The following MBNL1 variants were observed in gnomAD, a reference collection of about 807,000 sequenced individuals.
MBNL1 encodes the protein muscleblind like splicing regulator 1.
A neutral mutation model predicts 42.2 loss-of-function variants in MBNL1; 8 were observed. That is an observed-to-expected ratio of 0.19 (90% confidence interval 0.11 to 0.34). The LOEUF is 0.34. Ranked by LOEUF, MBNL1 falls within the 10% of genes least tolerant of loss-of-function variation. The pLI is 1.00. For missense variants in MBNL1, 309 were observed against 495.3 expected (o/e 0.62, Z 3.57); for synonymous variants, 169 against 173.9 (o/e 0.97, Z 0.22).
intron 3 of MBNL1, among the ~76,000 whole-genome samples, chr3:152,424,646 A>G (rs2098879306): frequency 6.6e-6 from 1 of 152,224 alleles, no homozygotes. Context: ...GAAAAGAACA[A>G]AGCTGGAGGC....
chr3:152,459,247 A>G, intron 8 of MBNL1, 24 bp from the exon 9 acceptor site: 2 of 1,413,804 alleles, frequency 1.4e-6, no homozygotes, highest in South Asian at 2.6e-5. Flanking sequence ...TGGATCATTC[A>G]TTAAATAATT....
intron 2 of MBNL1, among the ~76,000 whole-genome samples, chr3:152,370,187 G>C (rs1244146444): frequency 6.6e-6 from 1 of 152,132 alleles, no homozygotes; most frequent in Non-Finnish European, 1.5e-5. Flanking sequence ...CTGTGTCCTA[G>C]AGATTCTGGT....
In MBNL1 at chr3:152,346,897, AAC is replaced by A. The variant is rs1491075878; in HGVS notation, c.174+46531_174+46532del. Among the ~76,000 whole-genome samples, 30 of 146,240 alleles carry A rather than the reference AAC, an allele frequency of 2.1e-4. 1 individual carries two copies. Among genetic ancestry groups the A allele is most frequent in the African/African-American group, 7.5e-4 (30 of 40,166 alleles). On this transcript the variant is annotated intron_variant, in intron 2 of 9. Transcript: ENST00000324210. ...CACTTTAATTAAAAAAAAAAAAAAA[AAC>A]CAGTCATGGTGACTCACGCTTGTAA...
chr3:152,405,438 G>A (rs1027787968), intron 2 of MBNL1, among the ~76,000 whole-genome samples: 7 of 152,144 alleles, frequency 4.6e-5, no homozygotes, highest in African/African-American at 1.2e-4. Context: ...AATATAGGAA[G>A]CACTATGTAA....
At chr3:152,285,485 G>C (rs1294946450) in intron 1 of MBNL1, among the ~76,000 whole-genome samples, 2 of 151,870 alleles carry the variant, frequency 1.3e-5, no homozygotes, top group African/African-American at 4.8e-5. Flanking sequence ...AGAGTTGTGA[G>C]GAACAAATAG....
At position 152,456,254 on chromosome 3, in the gene MBNL1, T is replaced by C. The variant is rs760286708; in HGVS notation, c.998-13T>C. Reference sequence around the variant, plus strand: ...CTTCTGTATGTTCGCTTATATGATTTTCCCTCCGAAAGTTCCCATGGTGCA... The same window carrying C: ...CTTCTGTATGTTCGCTTATATGATTCTCCCTCCGAAAGTTCCCATGGTGCA... On this transcript the variant is annotated splice_polypyrimidine_tract_variant and intron_variant, in intron 7 of 9. Coordinates refer to ENST00000324210, the MANE Select transcript of MBNL1 (RefSeq NM_021038.5). 18 of 1,593,992 alleles carry C rather than the reference T, an allele frequency of 1.1e-5. No individual in the cohort carries two copies. In the South Asian group the frequency reaches 1.8e-4, roughly 16 times the overall value.
rs778355799 is a variant in MBNL1 at position 152,364,631 on chromosome 3, T to TA, written c.175-50298dup. Reference sequence around the variant, plus strand: ...TAGTGGATAGCTTTGATTTGGAGGTTAAAAAAAAAAAATCTAACTATGTTT... The same window carrying TA: ...TAGTGGATAGCTTTGATTTGGAGGTTAAAAAAAAAAAAATCTAACTATGTTT... On this transcript the variant is annotated intron_variant, in intron 2 of 9. Transcript: ENST00000324210. Among the ~76,000 whole-genome samples, 192 of 147,094 alleles carry TA rather than the reference T, an allele frequency of 1.3e-3. 1 individual carries two copies. In the South Asian group the frequency reaches 0.018, roughly 13 times the overall value.
At chr3:152,420,877 G>C (rs563522322) in intron 3 of MBNL1, among the ~76,000 whole-genome samples, 1 of 152,142 alleles carries the variant, frequency 6.6e-6, no homozygotes, top group Admixed American at 6.5e-5. Context: ...CTTGATAAAA[G>C]ATTACAGGAA....
At chr3:152,344,074 G>T (rs925085911) in intron 2 of MBNL1, among the ~76,000 whole-genome samples, 11 of 151,828 alleles carry the variant, frequency 7.2e-5, no homozygotes, top group African/African-American at 2.7e-4. Flanking sequence ...TTTTTGGGGG[G>T]TGACTGGTAT....
chr3:152,440,057 A>C (rs1450194665), intron 4 of MBNL1, among the ~76,000 whole-genome samples: 1 of 152,106 alleles, frequency 6.6e-6, no homozygotes, highest in Non-Finnish European at 1.5e-5. Context: ...TTATGTTTTT[A>C]TAAGAGATCA....
At chr3:152,453,926 A>G (rs13080211) in intron 6 of MBNL1, among the ~76,000 whole-genome samples, 79 of 152,334 alleles carry the variant, frequency 5.2e-4, no homozygotes, top group Non-Finnish European at 4.6e-4. Context: ...TGGCTTTAAT[A>G]TTACTTAATT....
intron 4 of MBNL1, among the ~76,000 whole-genome samples, chr3:152,444,061 G>A (rs7640801): frequency 0.49 from 74,060 of 152,006 alleles, 18,585 homozygotes; most frequent in Middle Eastern, 0.6. Context: ...TTCCTAAGTC[G>A]TAGTAGGGTT....
intron 3 of MBNL1, among the ~76,000 whole-genome samples, chr3:152,424,903 C>G (rs765599793): frequency 2.6e-5 from 4 of 152,122 alleles, no homozygotes; most frequent in Non-Finnish European, 5.9e-5. Flanking sequence ...CTTTCTTGCA[C>G]CTTATACGAA....
intron 2 of MBNL1, among the ~76,000 whole-genome samples, chr3:152,251,225 C>G (rs1181750153): frequency 1.3e-5 from 2 of 152,038 alleles, no homozygotes; most frequent in African/African-American, 2.4e-5. Flanking sequence ...ATCACCCAGT[C>G]TGGAGTCAAT....
At chr3:152,331,098 T>C (rs1448260703) in intron 2 of MBNL1, among the ~76,000 whole-genome samples, 1 of 151,888 alleles carries the variant, frequency 6.6e-6, no homozygotes, top group Non-Finnish European at 1.5e-5. Flanking sequence ...CCTCTCTTTC[T>C]CTCCCTTCTC....
At chr3:152,299,097 G>C (rs1462760695) in intron 1 of MBNL1, 1 of 152,552 alleles carries the variant, frequency 6.6e-6, no homozygotes, top group Admixed American at 6.5e-5. Context: ...TGACAGGCGC[G>C]ACCTTTCATA....
At chr3:152,419,377 A>T (rs1445909439) in intron 3 of MBNL1, among the ~76,000 whole-genome samples, 1 of 152,194 alleles carries the variant, frequency 6.6e-6, no homozygotes, top group Non-Finnish European at 1.5e-5. Flanking sequence ...TGAGGTACCC[A>T]GTTCATCTCA....
intron 3 of MBNL1, among the ~76,000 whole-genome samples, chr3:152,425,169 G>A (rs1424083905): frequency 6.6e-6 from 1 of 151,680 alleles, no homozygotes; most frequent in Non-Finnish European, 1.5e-5. Flanking sequence ...TCTGACCAAG[G>A]GCTAATATCC....
At chr3:152,340,178 T>A (rs2152814004) in intron 2 of MBNL1, 1 of 191,604 alleles carries the variant, frequency 5.2e-6, no homozygotes, top group East Asian at 1.4e-4. Context: ...AGTAAAAAAC[T>A]GGGCATGGTA....
Sources: allele counts gnomAD v4.1 joint callset (sites outside exome capture counted in the v4.1 genomes callset), GRCh38; gene constraint gnomAD v4.1.1; transcripts MANE v1.5; gene names NCBI Gene and HGNC (gene_info 2026-07-23, HGNC 2026-07-21).